DPP6: variants seen among roughly 807,000 people sequenced by gnomAD.
The protein encoded by DPP6 is A-type potassium channel modulatory protein DPP6.
Under a neutral mutation model 122.6 loss-of-function variants are expected in DPP6, and 69 were observed. The ratio of observed to expected loss-of-function variants is 0.56; its 90% CI spans 0.46 to 0.69. The LOEUF is 0.69. Among genes scored for constraint, DPP6 ranks in the 30% least tolerant of loss-of-function variants. DPP6 has a pLI of 0.00. For synonymous variants in DPP6, 418 were observed against 433.1 expected (o/e 0.97, Z 0.43); for missense variants, 928 against 1,116.9 (o/e 0.83, Z 2.41).
the DPP6 span, among the ~76,000 whole-genome samples, chr7:153,804,555 G>A: frequency 6.6e-6 from 1 of 152,142 alleles, no homozygotes; most frequent in African/African-American, 2.4e-5. Flanking sequence ...AGAGGCTTAT[G>A]AGAAAAATAT....
intron 1 of DPP6, among the ~76,000 whole-genome samples, chr7:154,225,470 G>T (rs10276705): frequency 0.21 from 32,388 of 151,674 alleles, 6,281 homozygotes; most frequent in African/African-American, 0.52. Context: ...ATCCAGGTTC[G>T]TTTTGGCTTT....
the DPP6 span, among the ~76,000 whole-genome samples, chr7:153,765,254 G>A: frequency 3.5e-4 from 53 of 152,180 alleles, no homozygotes; most frequent in African/African-American, 1.2e-3. Flanking sequence ...TTTGGTGCCC[G>A]GGCCGGGTGT....
rs1800161691 is a variant in DPP6 at position 153,913,197 on chromosome 7, C to T, written c.51+25463C>T. On this transcript the variant is annotated intron_variant, in intron 1 of 25. Coordinates refer to the DPP6 transcript ENST00000404039. ...TCAAGCAATTCTCATGCCTCAGCCT[C>T]CTAAGTAGCCGGGATTACAGGCAAG... 2.0e-5 allele frequency among the ~76,000 whole-genome samples: 3 copies of T among 152,244 alleles called. No homozygotes were observed. In the South Asian group the frequency reaches 6.2e-4, roughly 32 times the overall value.
In DPP6 at chr7:154,779,107, C is replaced by CA. The variant is rs1563201407; in HGVS notation, c.1136+6165_1136+6166insA. Among the ~76,000 whole-genome samples, 7 of 72,210 alleles carry CA rather than the reference C, an allele frequency of 9.7e-5. 1 individual carries two copies. Among genetic ancestry groups the CA allele is most frequent in the Admixed American group, 2.8e-4 (2 of 7,132 alleles). 47.4% of individuals were successfully genotyped at this position (72,210 alleles called of 152,430 possible). A position where few individuals can be genotyped will look rare whatever the true frequency, so the allele number is the denominator to read the frequency against. The stretch of plus-strand genomic sequence containing the variant: ...CCACAACCTCTACCACCACCACCAC[C>CA]CCCACCATCACCACCACTATCACCG... On this transcript the variant is annotated intron_variant, in intron 10 of 25. Transcript: ENST00000377770.
At chr7:154,758,699 T>C (rs973618966) in intron 8 of DPP6, among the ~76,000 whole-genome samples, 1 of 152,188 alleles carries the variant, frequency 6.6e-6, no homozygotes, top group East Asian at 1.9e-4. Flanking sequence ...AAAAAAGACA[T>C]TGAATGTTTA....
In DPP6 at chr7:154,199,699, T is replaced by C. The variant is rs1799066994; in HGVS notation, c.243+146636T>C. 2.0e-5 allele frequency among the ~76,000 whole-genome samples: 3 copies of C among 151,922 alleles called. No homozygotes were observed. In the South Asian group the frequency reaches 6.2e-4, roughly 32 times the overall value. On this transcript the variant is annotated intron_variant, in intron 1 of 25. Coordinates refer to ENST00000377770, the MANE Select transcript of DPP6 (RefSeq NM_130797.4). ...ATCCTGGCTCACTGCAAGGTCCGCC[T>C]CCTGGGTTCAAGTGATTCTCCTGCC...
intron 8 of DPP6, 35 bp from the exon 9 acceptor site, chr7:154,769,382 T>A (rs1321209704): frequency 6.2e-7 from 1 of 1,611,726 alleles, no homozygotes; most frequent in Non-Finnish European, 8.5e-7. Context: ...ACTCACTTGT[T>A]ACTATTCACA....
At chr7:154,080,888 A>G (rs1439644762) in intron 1 of DPP6, among the ~76,000 whole-genome samples, 4 of 152,056 alleles carry the variant, frequency 2.6e-5, no homozygotes, top group Non-Finnish European at 5.9e-5. Context: ...GAGGGCTCTA[A>G]TGGGAAGATG....
intron 1 of DPP6, among the ~76,000 whole-genome samples, chr7:154,387,573 T>A (rs10256276): frequency 6.6e-6 from 1 of 152,004 alleles, no homozygotes; most frequent in East Asian, 1.9e-4. Flanking sequence ...ATCTATGTTG[T>A]TTGCTTTTAC....
At chr7:154,333,133 C>G (rs1809101044) in intron 1 of DPP6, among the ~76,000 whole-genome samples, 1 of 152,140 alleles carries the variant, frequency 6.6e-6, no homozygotes, top group Admixed American at 6.5e-5. Flanking sequence ...CTGCTTCAAG[C>G]GTATTTGTTT....
intron 1 of DPP6, among the ~76,000 whole-genome samples, chr7:154,154,872 T>C (rs568144324): frequency 1.3e-5 from 2 of 152,346 alleles, no homozygotes; most frequent in East Asian, 3.9e-4. Flanking sequence ...CCCGTGTGGC[T>C]CAGGCCCTCT....
At chr7:154,437,974 G>T (rs1026235172) in intron 1 of DPP6, among the ~76,000 whole-genome samples, 1 of 134,608 alleles carries the variant, frequency 7.4e-6, no homozygotes, top group Non-Finnish European at 1.7e-5. Flanking sequence ...AAATTAAATT[G>T]TAAACCAAGA....
At chr7:154,362,680 C>T (rs1373380495) in intron 1 of DPP6, among the ~76,000 whole-genome samples, 1 of 151,932 alleles carries the variant, frequency 6.6e-6, no homozygotes, top group African/African-American at 2.4e-5. Flanking sequence ...CCACCTCAGC[C>T]TCCCAAAGTG....
At chr7:153,912,236 A>G (rs1800121902) in intron 1 of DPP6, among the ~76,000 whole-genome samples, 1 of 152,202 alleles carries the variant, frequency 6.6e-6, no homozygotes, top group African/African-American at 2.4e-5. Context: ...GTTTTTAAGG[A>G]GCTTTATTGG....
At chr7:153,762,795 T>A in the DPP6 span, among the ~76,000 whole-genome samples, 1 of 151,486 alleles carries the variant, frequency 6.6e-6, no homozygotes, top group African/African-American at 2.4e-5. Context: ...AAAATAATAA[T>A]AAAATAAAAT....
intron 1 of DPP6, among the ~76,000 whole-genome samples, chr7:153,993,025 A>G (rs1429309458): frequency 6.6e-6 from 1 of 152,178 alleles, no homozygotes; most frequent in African/African-American, 2.4e-5. Context: ...CTATATTCAC[A>G]TTATTCACAC....
chr7:153,865,670 T>C, the DPP6 span, among the ~76,000 whole-genome samples: 1 of 152,140 alleles, frequency 6.6e-6, no homozygotes, highest in Non-Finnish European at 1.5e-5. Context: ...ATTATTACTA[T>C]ATTTAAGTTT....
chr7:154,826,840 T>A (rs1800191016), intron 16 of DPP6, among the ~76,000 whole-genome samples: 1 of 152,212 alleles, frequency 6.6e-6, no homozygotes, highest in Non-Finnish European at 1.5e-5. Flanking sequence ...GGCTAAATGT[T>A]ACATCTGCTT....
chr7:153,984,279 A>T (rs1205099633), intron 1 of DPP6, among the ~76,000 whole-genome samples: 1 of 152,208 alleles, frequency 6.6e-6, no homozygotes, highest in South Asian at 2.1e-4. Context: ...AATTTCAGAA[A>T]TTATGCAGTA....
Sources: gnomAD v4.1 joint callset for allele counts (sites outside exome capture counted in the v4.1 genomes callset) on GRCh38, gnomAD v4.1.1 for gene constraint, MANE v1.5 for transcripts, NCBI Gene and HGNC (gene_info 2026-07-23, HGNC 2026-07-21) for gene names.